NUP93: variants seen among roughly 807,000 people sequenced by gnomAD.
The protein encoded by NUP93 is nuclear pore complex protein Nup93.
Under a neutral mutation model 107.8 loss-of-function variants are expected in NUP93, and 55 were observed. That is an observed-to-expected ratio of 0.51 (90% confidence interval 0.41 to 0.64). NUP93 has a LOEUF of 0.64. Among genes scored for constraint, NUP93 ranks in the 30% least tolerant of loss-of-function variants. The pLI is 0.00. For missense variants in NUP93, 937 were observed against 1,044.7 expected, an observed-to-expected ratio of 0.90 and a Z score of 1.42; for synonymous variants, 390 against 397.5, an observed-to-expected ratio of 0.98 and a Z score of 0.22.
intron 3 of NUP93, among the ~76,000 whole-genome samples, chr16:56,763,605 C>G (rs763347941): frequency 1.3e-5 from 2 of 151,762 alleles, no homozygotes; most frequent in Non-Finnish European, 2.9e-5. Context: ...TTCACTTGTC[C>G]TGGAACATCC....
chr16:56,745,733 G>C (rs1961810557), intron 1 of NUP93, among the ~76,000 whole-genome samples: 2 of 152,166 alleles, frequency 1.3e-5, no homozygotes, highest in Non-Finnish European at 1.5e-5. Context: ...CAGGTTTTGT[G>C]GATGAAAAGT....
intron 3 of NUP93, among the ~76,000 whole-genome samples, chr16:56,792,467 G>A (rs367826006): frequency 2.6e-5 from 4 of 152,340 alleles, no homozygotes; most frequent in Admixed American, 6.5e-5. Context: ...ACTTTGCTAC[G>A]TATGAACTGG....
chr16:56,750,142 G>A (rs775167088), intron 2 of NUP93, among the ~76,000 whole-genome samples: 2 of 152,136 alleles, frequency 1.3e-5, no homozygotes, highest in African/African-American at 2.4e-5. Flanking sequence ...AACAATTATC[G>A]GTCATGCTCT....
At chr16:56,770,519 G>A (rs1025383327) in intron 3 of NUP93, among the ~76,000 whole-genome samples, 11 of 152,078 alleles carry the variant, frequency 7.2e-5, no homozygotes, top group African/African-American at 2.7e-4. Context: ...ATTGACTTCC[G>A]CCACCCCCTC....
intron 3 of NUP93, among the ~76,000 whole-genome samples, chr16:56,778,002 T>C (rs74021805): frequency 1.6e-3 from 237 of 152,316 alleles, no homozygotes; most frequent in African/African-American, 5.5e-3. Flanking sequence ...TTCGAATAAA[T>C]ACAAATTCTG....
intron 3 of NUP93, among the ~76,000 whole-genome samples, chr16:56,772,688 C>T (rs555251395): frequency 6.6e-6 from 1 of 152,346 alleles, no homozygotes; most frequent in South Asian, 2.1e-4. Context: ...CATTTGCAAA[C>T]CCCAAATAAA....
intron 3 of NUP93, among the ~76,000 whole-genome samples, chr16:56,761,887 T>A (rs1479626481): frequency 6.6e-6 from 1 of 152,226 alleles, no homozygotes; most frequent in East Asian, 1.9e-4. Context: ...TTGCGTGCAT[T>A]GTGAATGCAT....
intron 2 of NUP93, among the ~76,000 whole-genome samples, chr16:56,755,807 G>A (rs1251610022): frequency 1.3e-5 from 2 of 152,146 alleles, no homozygotes; most frequent in Non-Finnish European, 2.9e-5. Flanking sequence ...CCTGGGAGCT[G>A]GAGGTTGCAG....
intron 4 of NUP93, among the ~76,000 whole-genome samples, chr16:56,803,699 A>T (rs1221764143): frequency 6.6e-6 from 1 of 152,074 alleles, no homozygotes; most frequent in African/African-American, 2.4e-5. Context: ...CCACAGTGAG[A>T]TACCACTTTA....
intron 21 of NUP93, 97 bp downstream of exon 21, chr16:56,841,930 C>A: frequency 8.9e-6 from 13 of 1,460,340 alleles, no homozygotes; most frequent in African/African-American, 1.4e-5. Flanking sequence ...CAAAACTGCT[C>A]TTTCTCCTCA....
chr16:56,774,114 G>A (rs1962369688), intron 3 of NUP93, among the ~76,000 whole-genome samples: 1 of 152,122 alleles, frequency 6.6e-6, no homozygotes, highest in Non-Finnish European at 1.5e-5. Context: ...AGAAGAGAGG[G>A]AGACATGGGA....
At chr16:56,832,243 G>T in intron 11 of NUP93, 52 bp from the exon 12 acceptor site, 1 of 1,456,798 alleles carries the variant, frequency 6.9e-7, no homozygotes, top group Non-Finnish European at 9.6e-7. Flanking sequence ...CTCTGTGCAT[G>T]TGGCTCAGGG....
intron 4 of NUP93, among the ~76,000 whole-genome samples, chr16:56,801,125 T>C (rs981358488): frequency 1.3e-5 from 2 of 152,256 alleles, no homozygotes; most frequent in Non-Finnish European, 2.9e-5. Flanking sequence ...TTGAGTTTCT[T>C]CTTATCACTG....
chr16:56,754,100 C>T (rs1467813280), intron 2 of NUP93, among the ~76,000 whole-genome samples: 1 of 151,970 alleles, frequency 6.6e-6, no homozygotes, highest in Non-Finnish European at 1.5e-5. Flanking sequence ...AAGACAGGCA[C>T]ATCTTCACAT....
intron 1 of NUP93, among the ~76,000 whole-genome samples, chr16:56,732,119 T>A (rs11644159): frequency 0.019 from 2,936 of 152,344 alleles, 40 homozygotes; most frequent in Admixed American, 0.03. Flanking sequence ...AGGTCTTCAC[T>A]AGGGAGGCAC....
intron 3 of NUP93, among the ~76,000 whole-genome samples, chr16:56,765,262 C>G (rs1451985483): frequency 5.3e-5 from 8 of 152,116 alleles, no homozygotes; most frequent in African/African-American, 1.7e-4. Flanking sequence ...GGTGTGAAGG[C>G]TTTTAGTTAA....
intron 4 of NUP93, among the ~76,000 whole-genome samples, chr16:56,804,345 G>A (rs985016828): frequency 5.3e-5 from 8 of 152,162 alleles, no homozygotes; most frequent in Non-Finnish European, 1.0e-4. Flanking sequence ...AGAAAATGTG[G>A]TATATTCATA....
At chr16:56,791,869 A>AT (rs1362354597) in intron 3 of NUP93, among the ~76,000 whole-genome samples, 1 of 152,230 alleles carries the variant, frequency 6.6e-6, no homozygotes, top group African/African-American at 2.4e-5. Context: ...TAGTAGCACT[A>AT]TTTTGGAACA....
chr16:56,748,226 C>G lies in NUP93; in HGVS notation c.-14-8C>G, dbSNP rs1355184112. ...GATTTAGATCTTTTCATTTTTTCTC[C>G]CATCTAGGATCTGCATCTCCAATGG... is the stretch of plus-strand genomic sequence containing the variant. On this transcript the variant is annotated splice_region_variant and splice_polypyrimidine_tract_variant and intron_variant, in intron 1 of 21. Coordinates refer to ENST00000308159, the MANE Select transcript of NUP93 (RefSeq NM_014669.5). 1.9e-6 allele frequency: 3 copies of G among 1,550,908 alleles called. No individual in the cohort carries two copies. The highest frequency in any genetic ancestry group is 4.6e-5 in the East Asian group (2 of 43,918).
Sources: gnomAD v4.1 joint callset for allele counts (sites outside exome capture counted in the v4.1 genomes callset) on GRCh38, gnomAD v4.1.1 for gene constraint, MANE v1.5 for transcripts, NCBI Gene and HGNC (gene_info 2026-07-23, HGNC 2026-07-21) for gene names.